Variants in AVEN observed in about 807,000 individuals in gnomAD.
AVEN encodes cell death regulator Aven.
A neutral mutation model predicts 38.1 loss-of-function variants in AVEN; 41 were observed. The observed-to-expected ratio is 1.08, with a 90% CI of 0.84 to 1.40. AVEN has a LOEUF of 1.40. Among genes scored for constraint, AVEN ranks in the 40% most tolerant of loss-of-function variants. AVEN has a pLI of 0.00. For missense variants in AVEN, 605 were observed against 438.8 expected (o/e 1.38, Z -3.38); for synonymous variants, 206 against 171.8 (o/e 1.20, Z -1.56).
intron 2 of AVEN, among the ~76,000 whole-genome samples, chr15:33,882,177 A>G (rs1416505417): frequency 3.3e-5 from 5 of 152,180 alleles, no homozygotes; most frequent in East Asian, 1.9e-4. Flanking sequence ...TGCCTATTAC[A>G]TAGCCTGCTT....
chr15:33,929,812 T>C (rs925581196), intron 2 of AVEN, among the ~76,000 whole-genome samples: 1 of 152,186 alleles, frequency 6.6e-6, no homozygotes, highest in Non-Finnish European at 1.5e-5. Flanking sequence ...TAAATACACA[T>C]TGAAGCAGAT....
At chr15:34,054,021 T>C (rs1183844720) in intron 5 of AVEN, among the ~76,000 whole-genome samples, 5 of 151,858 alleles carry the variant, frequency 3.3e-5, no homozygotes, top group Non-Finnish European at 7.4e-5. Context: ...AAAGAACCTG[T>C]ATGAACAAAC....
chr15:34,012,032 T>C (rs759373776), intron 1 of AVEN, among the ~76,000 whole-genome samples: 1 of 152,156 alleles, frequency 6.6e-6, no homozygotes, highest in Non-Finnish European at 1.5e-5. Context: ...TTTATCTGCT[T>C]TAAAAAATGA....
intron 1 of AVEN, chr15:34,018,297 G>A (rs974241150): frequency 2.6e-5 from 4 of 152,180 alleles, no homozygotes; most frequent in Admixed American, 6.5e-5. Context: ...GTGGGTTCTC[G>A]GTCTCACTAA....
downstream of AVEN, chr15:33,857,758 TTC>T (rs770609406): frequency 9.9e-6 from 16 of 1,613,632 alleles, no homozygotes; most frequent in South Asian, 1.1e-5. Flanking sequence ...TCCTTTTCCT[TTC>T]TCTGTCCTCT....
intron 2 of AVEN, among the ~76,000 whole-genome samples, chr15:33,884,439 T>C (rs1039397073): frequency 1.3e-5 from 2 of 152,188 alleles, no homozygotes; most frequent in African/African-American, 2.4e-5. Context: ...AGTATTCTAA[T>C]AATGATAGTA....
chr15:33,908,650 T>C (rs754898292), intron 2 of AVEN, among the ~76,000 whole-genome samples: 22 of 152,248 alleles, frequency 1.4e-4, no homozygotes, highest in Non-Finnish European at 2.9e-4. Context: ...GCAAGGTTCA[T>C]CCTTGTTGTC....
At chr15:34,068,161 T>C (rs1027651135) in intron 2 of AVEN, among the ~76,000 whole-genome samples, 2 of 152,050 alleles carry the variant, frequency 1.3e-5, no homozygotes, top group Non-Finnish European at 2.9e-5. Flanking sequence ...TCTCAACCAT[T>C]TGAGAGTAAG....
chr15:33,933,524 CAGAGAGAG>C lies in AVEN; in HGVS notation c.446-57537_446-57530del, dbSNP rs3086294. Among the ~76,000 whole-genome samples, 246 of 46,526 alleles carry C rather than the reference CAGAGAGAG, an allele frequency of 5.3e-3. 4 individuals carry two copies. The highest frequency in any genetic ancestry group is 6.4e-3 in the East Asian group (9 of 1,410). 30.5% of individuals were successfully genotyped at this position (46,526 alleles called of 152,430 possible). ...ACACACACACACACACACACACACA[CAGAGAGAG>C]AGAGAGAGAGAGAGAGAGAGAGAGA... On this transcript the variant is annotated intron_variant, in intron 2 of 5. Coordinates refer to ENST00000306730, the MANE Select transcript of AVEN (RefSeq NM_020371.3).
chr15:33,870,946 C>G lies in AVEN; in HGVS notation c.601G>C (p.Glu201Gln), dbSNP rs202088512. 2.5e-6 allele frequency: 4 copies of G among 1,610,888 alleles called. No individual in the cohort carries two copies. Among genetic ancestry groups the G allele is most frequent in the East Asian group, 2.2e-5 (1 of 44,736 alleles). ...PLCLRLNVAA[E>Q]LVQGTVPLEV... ...TTCGGGATTTTTACCTGGACCAGTT[C>G]GGCAGCAACGTTGAGTCGGAGGCAG... The change falls in exon 4 of 6, where the codon GAA becomes CAA. Residue 201 changes from glutamate to glutamine, a missense_variant. By Grantham distance (29) the Glu-to-Gln change is conservative. Coordinates refer to ENST00000306730, the MANE Select transcript of AVEN (RefSeq NM_020371.3).
chr15:33,888,355 CAG>C (rs1376687648), intron 2 of AVEN, among the ~76,000 whole-genome samples: 2 of 151,702 alleles, frequency 1.3e-5, no homozygotes, highest in East Asian at 2.0e-4. Context: ...CAGGTTGGGG[CAG>C]AGTCAGTGAG....
At chr15:33,904,710 T>TACAC (rs1369829949) in intron 2 of AVEN, among the ~76,000 whole-genome samples, 13 of 121,166 alleles carry the variant, frequency 1.1e-4, no homozygotes, top group East Asian at 4.6e-4. Flanking sequence ...TATATATATA[T>TACAC]ATATATACAC....
chr15:33,973,665 G>C (rs1461223557), intron 2 of AVEN, among the ~76,000 whole-genome samples: 4 of 152,084 alleles, frequency 2.6e-5, no homozygotes, highest in Non-Finnish European at 5.9e-5. Flanking sequence ...AACACAGCAA[G>C]ACTCCATCTC....
At chr15:33,857,967 C>CA (rs2079877587), downstream of AVEN, 34 of 1,604,400 alleles carry the variant, frequency 2.1e-5, 1 homozygote, top group Admixed American at 5.7e-4. Flanking sequence ...GCCACCCCGC[C>CA]CCACCACCTC....
chr15:33,936,593 C>T (rs1894067382), intron 2 of AVEN, among the ~76,000 whole-genome samples: 1 of 152,026 alleles, frequency 6.6e-6, no homozygotes, highest in Non-Finnish European at 1.5e-5. Flanking sequence ...TAAATACAAA[C>T]AAAATCTATA....
intron 2 of AVEN, among the ~76,000 whole-genome samples, chr15:33,986,376 TG>T (rs1896469506): frequency 6.6e-6 from 1 of 152,044 alleles, no homozygotes; most frequent in African/African-American, 2.4e-5. Flanking sequence ...CCCAAAGTGC[TG>T]GGATTACAGG....
intron 1 of AVEN, among the ~76,000 whole-genome samples, chr15:34,073,989 C>CTTTTTTTTTTTTTTTTTTTTTT (rs5811818): frequency 6.4e-5 from 2 of 31,474 alleles, no homozygotes; most frequent in African/African-American, 1.3e-4. Context: ...TCTTCTTCTT[C>CTTTTTTTTTTTTTTTTTTTTTT]TTTTTTTTTT....
intron 2 of AVEN, among the ~76,000 whole-genome samples, chr15:33,957,160 A>G (rs982099405): frequency 2.0e-5 from 3 of 152,222 alleles, no homozygotes; most frequent in African/African-American, 7.2e-5. Context: ...GTAAGTGCTT[A>G]TTAACTGTTC....
chr15:33,877,443 A>G (rs182981863), intron 2 of AVEN, among the ~76,000 whole-genome samples: 2 of 152,258 alleles, frequency 1.3e-5, no homozygotes, highest in African/African-American at 4.8e-5. Flanking sequence ...AGTGAAAGGG[A>G]CTCAGAAAGG....
Sources: gnomAD v4.1 joint callset for allele counts (sites outside exome capture counted in the v4.1 genomes callset) on GRCh38, gnomAD v4.1.1 for gene constraint, MANE v1.5 for transcripts, NCBI Gene and HGNC (gene_info 2026-07-23, HGNC 2026-07-21) for gene names.